The following UTP15 variants were observed in gnomAD, a reference collection of about 807,000 sequenced individuals.
The protein encoded by UTP15 is U3 small nucleolar RNA-associated protein 15 homolog.
A neutral mutation model predicts 59.1 loss-of-function variants in UTP15; 5 were observed. That is an observed-to-expected ratio of 0.08 (90% CI 0.04 to 0.18). The LOEUF is 0.18. Ranked by LOEUF, UTP15 falls within the 10% of genes least tolerant of loss-of-function variation. UTP15 has a pLI of 1.00. For synonymous variants in UTP15, 211 were observed against 212.2 expected (o/e 0.99, Z 0.05); for missense variants, 494 against 616.7 (o/e 0.80, Z 2.11).
intron 7 of UTP15, 87 bp downstream of exon 7, chr5:73,572,711 A>G (rs1391969644): frequency 2.2e-6 from 3 of 1,359,112 alleles, no homozygotes; most frequent in Admixed American, 2.2e-5. Flanking sequence ...AATATTTGTG[A>G]TAAGTATACA....
intron 5 of UTP15, among the ~76,000 whole-genome samples, chr5:73,570,139 A>G (rs184967633): frequency 3.2e-4 from 49 of 152,186 alleles, no homozygotes; most frequent in African/African-American, 1.0e-3. Context: ...CTGGCTTCCA[A>G]TTGTTTTTTA....
At chr5:73,566,011 G>GA (rs1747746204) in intron 1 of UTP15, 99 bp downstream of exon 1, 1 of 369,104 alleles carries the variant, frequency 2.7e-6, no homozygotes, top group Non-Finnish European at 5.3e-6. Context: ...GGCTATATAG[G>GA]AGAGTGGCCA....
intron 5 of UTP15, among the ~76,000 whole-genome samples, 190 bp from the exon 6 acceptor site, chr5:73,570,396 T>C (rs113619736): frequency 6.6e-6 from 1 of 152,226 alleles, no homozygotes; most frequent in Non-Finnish European, 1.5e-5. Context: ...TTCTGTATAG[T>C]ATTATGTAGT....
At chr5:73,578,528 T>A in intron 9 of UTP15, 1 of 468,650 alleles carries the variant, frequency 2.1e-6, no homozygotes, top group South Asian at 3.0e-5. Flanking sequence ...GTTAAAATTA[T>A]AAGAGAGTAA....
intron 7 of UTP15, among the ~76,000 whole-genome samples, chr5:73,575,777 C>CAATGGG (rs1250745315): frequency 6.6e-6 from 1 of 151,272 alleles, no homozygotes; most frequent in African/African-American, 2.4e-5. Flanking sequence ...GGCTGGAGTG[C>CAATGGG]AATGGCGCGG....
intron 4 of UTP15, 131 bp from the exon 5 acceptor site, chr5:73,569,365 AT>A (rs1309307414): frequency 1.7e-6 from 1 of 602,928 alleles, no homozygotes; most frequent in East Asian, 3.3e-5. Context: ...TTCTTTCATG[AT>A]TTCCCCCTAT....
At chr5:73,572,687 T>C in intron 7 of UTP15, 63 bp downstream of exon 7, 1 of 1,492,870 alleles carries the variant, frequency 6.7e-7, no homozygotes, top group Non-Finnish European at 9.1e-7. Context: ...CTTGAGGAAA[T>C]GAGTTATTTC....
At chr5:73,567,125 C>A in intron 1 of UTP15, 137 bp from the exon 2 acceptor site, 1 of 275,626 alleles carries the variant, frequency 3.6e-6, no homozygotes, top group East Asian at 6.6e-5. Flanking sequence ...CTATAGATTG[C>A]CTTTTCTGGG....
Position 73,572,475 on chromosome 5 carries a change from A to T in UTP15, c.674-14A>T. ...TGGGCAGAATATCCAACTAACGATG[A>T]TTTCTTTTTATAGGAGGTCGTTATG... is the stretch of plus-strand genomic sequence containing the variant. On this transcript the variant is annotated splice_polypyrimidine_tract_variant and intron_variant, in intron 6 of 12. Transcript: ENST00000296792. 2 of 1,612,302 alleles carry T rather than the reference A, an allele frequency of 1.2e-6. No homozygotes were observed. The highest frequency in any genetic ancestry group is 1.7e-6 in the Non-Finnish European group (2 of 1,179,442).
At chr5:73,573,120 TTGACAC>T (rs1747990794) in intron 7 of UTP15, among the ~76,000 whole-genome samples, 2 of 152,068 alleles carry the variant, frequency 1.3e-5, no homozygotes, top group Admixed American at 1.3e-4. Flanking sequence ...ATTTTCTCCT[TTGACAC>T]AATTTGTTTT....
At chr5:73,567,466 T>A in intron 2 of UTP15, 32 bp downstream of exon 2, 5 of 1,484,178 alleles carry the variant, frequency 3.4e-6, no homozygotes, top group Non-Finnish European at 4.6e-6. Flanking sequence ...GGAGAAGGGA[T>A]TTGTGTTTAT....
chr5:73,578,627 G>T, intron 9 of UTP15, 124 bp from the exon 10 acceptor site: 1 of 743,040 alleles, frequency 1.3e-6, no homozygotes, highest in Non-Finnish European at 2.2e-6. Flanking sequence ...TCTACATTAT[G>T]GGCATATGAA....
In UTP15 at chr5:73,572,543, C is replaced by T. The variant is rs1257563057; in HGVS notation, c.728C>T (p.Ser243Phe). The change falls in exon 7 of 13, where the codon TCT becomes TTT. Residue 243 changes from serine (S) to phenylalanine (F), a missense_variant. Ser to Phe is a radical substitution (Grantham distance 155, BLOSUM62 -2). Transcript: ENST00000296792. ...DMLKGGQLLVSLKNHHKTVTC... is the reference protein window; with the variant it reads ...DMLKGGQLLVFLKNHHKTVTC... ...TTAAAAGGAGGACAATTGCTAGTAT[C>T]TTTGAAAAATCATCACAAAACCGTG... is the stretch of plus-strand genomic sequence containing the variant. 1.9e-6 allele frequency: 3 copies of T among 1,614,112 alleles called. No individual in the cohort carries two copies. Among genetic ancestry groups the T allele is most frequent in the East Asian group, 4.5e-5 (2 of 44,878 alleles).
At chr5:73,566,546 T>C (rs1747773720) in intron 1 of UTP15, among the ~76,000 whole-genome samples, 1 of 152,250 alleles carries the variant, frequency 6.6e-6, no homozygotes, top group Admixed American at 6.5e-5. Context: ...GTGTTACTAA[T>C]GTAAAGTTTT....
In UTP15 at chr5:73,581,705, A is replaced by G. The variant is rs1748319120; in HGVS notation, c.*1611A>G. The G allele has an allele frequency of 6.6e-6, 1 of 152,062 alleles. No individual in the cohort carries two copies. Among genetic ancestry groups the G allele is most frequent in the African/African-American group, 2.4e-5 (1 of 41,424 alleles). 9.4% of individuals were successfully genotyped at this position (152,062 alleles called of 1,614,324 possible). A position where few individuals can be genotyped will look rare whatever the true frequency, so the allele number is the denominator to read the frequency against. On this transcript the variant is annotated 3_prime_UTR_variant, in exon 13 of 13. Coordinates refer to ENST00000296792, the MANE Select transcript of UTP15 (RefSeq NM_032175.4). ...AAAATTAAATAAACGTATTAAGTTT[A>G]ACATATTAAATTAATTTAACATTTA...
chr5:73,570,787 A>G (rs1747909787), intron 6 of UTP15, 76 bp downstream of exon 6: 1 of 1,582,768 alleles, frequency 6.3e-7, no homozygotes, highest in Non-Finnish European at 8.6e-7. Context: ...GCTCTTTGTA[A>G]TTTATCAGTG....
At chr5:73,569,151 A>G (rs1747863427) in intron 4 of UTP15, among the ~76,000 whole-genome samples, 1 of 152,244 alleles carries the variant, frequency 6.6e-6, no homozygotes, top group African/African-American at 2.4e-5. Flanking sequence ...ATTTAGTGGT[A>G]AATCTCTTTA....
At position 73,580,118 on chromosome 5, in the gene UTP15, G is replaced by T; in HGVS notation, c.*24G>T. ...AGTGTCTGCTAAATAAGACATATAA[G>T]AACTCTGAAGTTGGAATAGATTTGA... On this transcript the variant is annotated 3_prime_UTR_variant, in exon 13 of 13. Transcript: ENST00000296792. 6.3e-7 allele frequency: 1 copy of T among 1,589,346 alleles called. No homozygotes were observed. Among genetic ancestry groups the T allele is most frequent in the Non-Finnish European group, 8.6e-7 (1 of 1,161,698 alleles).
At chr5:73,575,278 C>T (rs991071971) in intron 7 of UTP15, among the ~76,000 whole-genome samples, 1 of 152,180 alleles carries the variant, frequency 6.6e-6, no homozygotes, top group Non-Finnish European at 1.5e-5. Context: ...TAGGTATGTT[C>T]CTAAAAGCTA....
Sources: allele counts gnomAD v4.1 joint callset (sites outside exome capture counted in the v4.1 genomes callset), GRCh38; gene constraint gnomAD v4.1.1; transcripts MANE v1.5; gene names NCBI Gene and HGNC (gene_info 2026-07-23, HGNC 2026-07-21).